Variants in TMEM272 observed in about 807,000 individuals in gnomAD.
TMEM272 encodes the protein transmembrane protein 272.
TMEM272 carries 8 observed loss-of-function variants against 3.7 expected under a neutral mutation model. The ratio of observed to expected loss-of-function variants is 2.17; its 90% CI spans 1.27 to 3.91. The LOEUF is 3.91. Ranked by LOEUF, TMEM272 falls within the 30% of genes most tolerant of loss-of-function variation. The pLI is 0.00. For synonymous variants in TMEM272, 63 were observed against 39.8 expected (o/e 1.58, Z -2.20); for missense variants, 166 against 91.5 (o/e 1.81, Z -3.32).
intron 2 of TMEM272, among the ~76,000 whole-genome samples, chr13:51,831,661 C>T (rs1272476185): frequency 2.0e-5 from 3 of 152,256 alleles, no homozygotes; most frequent in South Asian, 2.1e-4. Flanking sequence ...GGGAGCCCCA[C>T]TCTCGCCTGA....
chr13:51,923,631 G>A, the TMEM272 span, among the ~76,000 whole-genome samples: 4 of 149,320 alleles, frequency 2.7e-5, no homozygotes, highest in Non-Finnish European at 5.9e-5. Context: ...GAAGAAGAGA[G>A]AAAAAGAAGG....
intron 1 of TMEM272, among the ~76,000 whole-genome samples, chr13:51,841,107 A>T (rs1956259048): frequency 6.6e-6 from 1 of 152,094 alleles, no homozygotes; most frequent in Admixed American, 6.6e-5. Flanking sequence ...TGGAAAAACA[A>T]CCCTCCTGGA....
At chr13:51,878,291 G>T in the TMEM272 span, among the ~76,000 whole-genome samples, 4 of 152,090 alleles carry the variant, frequency 2.6e-5, no homozygotes, top group Admixed American at 6.6e-5. Context: ...TTAGCCAGGC[G>T]TCGTGGCAGG....
chr13:51,909,039 G>A, the TMEM272 span: 32 of 1,477,990 alleles, frequency 2.2e-5, no homozygotes, highest in Admixed American at 1.9e-4. Flanking sequence ...AAAAGCTCTC[G>A]TTTCAGATGA....
the TMEM272 span, among the ~76,000 whole-genome samples, chr13:51,890,331 G>T: frequency 6.6e-6 from 1 of 152,142 alleles, no homozygotes. Flanking sequence ...CTGGCTAGGG[G>T]TGAGTGAGTA....
the TMEM272 span, among the ~76,000 whole-genome samples, chr13:51,851,350 AAAGAAGAGGAAGAAGAGG>A: frequency 6.6e-6 from 1 of 151,722 alleles, no homozygotes. Flanking sequence ...AACCAAAAAA[AAAGAAGAGGAAGAAGAGG>A]AAGAAGAGGA....
the TMEM272 span, among the ~76,000 whole-genome samples, chr13:51,898,201 A>AG: frequency 6.7e-6 from 1 of 148,620 alleles, no homozygotes; most frequent in African/African-American, 2.5e-5. Context: ...CTGGTAACAG[A>AG]GCGAGACTCC....
At chr13:51,926,112 G>T in the TMEM272 span, among the ~76,000 whole-genome samples, 1 of 151,594 alleles carries the variant, frequency 6.6e-6, no homozygotes, top group Non-Finnish European at 1.5e-5. Flanking sequence ...TGTGGTGTGT[G>T]TGTGTGGTGT....
chr13:51,908,832 T>G, the TMEM272 span: 1 of 1,438,858 alleles, frequency 6.9e-7, no homozygotes, highest in African/African-American at 1.4e-5. Context: ...ACGGTCCTGT[T>G]CCCACGGAGG....
At chr13:51,929,515 A>G in the TMEM272 span, among the ~76,000 whole-genome samples, 1 of 152,226 alleles carries the variant, frequency 6.6e-6, no homozygotes, top group African/African-American at 2.4e-5. Flanking sequence ...GGTCAGATAG[A>G]CACGGGATGG....
At chr13:51,826,770 C>G in intron 2 of TMEM272, 145 bp from the exon 3 acceptor site, 1 of 640,438 alleles carries the variant, frequency 1.6e-6, no homozygotes, top group South Asian at 1.8e-5. Flanking sequence ...GGTCGCAGCT[C>G]GCCTGGGGCT....
upstream of TMEM272, among the ~76,000 whole-genome samples, chr13:51,847,866 GA>G (rs963359320): frequency 2.0e-5 from 3 of 152,146 alleles, no homozygotes; most frequent in African/African-American, 7.2e-5. Context: ...CAGGAAGGGA[GA>G]AAACAATGGC....
intron 2 of TMEM272, among the ~76,000 whole-genome samples, chr13:51,829,346 G>A (rs1956153200): frequency 6.6e-6 from 1 of 152,120 alleles, no homozygotes; most frequent in African/African-American, 2.4e-5. Flanking sequence ...AAAGGAAAAA[G>A]CTTTTTATAT....
chr13:51,889,798 C>T, the TMEM272 span, among the ~76,000 whole-genome samples: 5 of 152,252 alleles, frequency 3.3e-5, no homozygotes, highest in South Asian at 8.3e-4. Flanking sequence ...TGCGCCACCA[C>T]GCCCGACTAA....
At chr13:51,817,620 C>T (rs893259461) in intron 4 of TMEM272, among the ~76,000 whole-genome samples, 1 of 152,170 alleles carries the variant, frequency 6.6e-6, no homozygotes, top group Admixed American at 6.5e-5. Context: ...TACCGTGAGC[C>T]GTTTCCTCCC....
chr13:51,920,428 A>G, the TMEM272 span, among the ~76,000 whole-genome samples: 1 of 152,118 alleles, frequency 6.6e-6, no homozygotes, highest in African/African-American at 2.4e-5. Context: ...CTCCCCTACA[A>G]TCCACTCACC....
At chr13:51,913,659 T>A in the TMEM272 span, among the ~76,000 whole-genome samples, 10 of 152,150 alleles carry the variant, frequency 6.6e-5, no homozygotes, top group Non-Finnish European at 1.5e-4. Context: ...ATGGTGCATG[T>A]CCTTCTGGGG....
the TMEM272 span, among the ~76,000 whole-genome samples, chr13:51,859,337 A>G: frequency 6.6e-6 from 1 of 152,142 alleles, no homozygotes; most frequent in Non-Finnish European, 1.5e-5. Context: ...TTTGGGTCAC[A>G]TGCATGTGAC....
chr13:51,869,939 C>T, the TMEM272 span, among the ~76,000 whole-genome samples: 2 of 152,124 alleles, frequency 1.3e-5, no homozygotes, highest in Admixed American at 6.5e-5. Context: ...CGGATCCTTC[C>T]GAGGTAGAAG....
Sources: allele counts gnomAD v4.1 joint callset (sites outside exome capture counted in the v4.1 genomes callset), GRCh38; gene constraint gnomAD v4.1.1; transcripts MANE v1.5; gene names NCBI Gene and HGNC (gene_info 2026-07-23, HGNC 2026-07-21).